The following GRID1 variants were observed in gnomAD, a reference collection of about 807,000 sequenced individuals.
The protein encoded by GRID1 is glutamate ionotropic receptor delta type subunit 1, also known as glutamate receptor ionotropic, delta-1.
Under a neutral mutation model 98.0 loss-of-function variants are expected in GRID1, and 28 were observed. That is an observed-to-expected ratio of 0.29 (90% CI 0.21 to 0.39). GRID1 has a LOEUF of 0.39. Ranked by LOEUF, GRID1 falls within the 10% of genes least tolerant of loss-of-function variation. The pLI is 1.00. For missense variants in GRID1, 1,111 were observed against 1,340.5 expected (o/e 0.83, Z 2.67); for synonymous variants, 553 against 538.5 (o/e 1.03, Z -0.37).
chr10:85,939,713 T>C lies in GRID1; in HGVS notation c.727-23474A>G, dbSNP rs1341099416. ...CAGCTGATTAGCAACAGTAATTCCATCTGCAACCTTAATTTTCTTTCGTCC... is the reference window on the plus strand; with the variant it reads ...CAGCTGATTAGCAACAGTAATTCCACCTGCAACCTTAATTTTCTTTCGTCC... On this transcript the variant is annotated intron_variant, in intron 4 of 15. Coordinates refer to ENST00000327946, the MANE Select transcript of GRID1 (RefSeq NM_017551.3). Among the ~76,000 whole-genome samples the C allele has an allele frequency of 2.6e-5, 4 of 152,158 alleles. No homozygotes were observed. The East Asian group carries it at 5.8e-4, about 22-fold the overall frequency.
chr10:86,171,494 A>G (rs983819885), intron 3 of GRID1, among the ~76,000 whole-genome samples: 1 of 152,234 alleles, frequency 6.6e-6, no homozygotes, highest in Non-Finnish European at 1.5e-5. Context: ...AACTGGCTTT[A>G]TCTCTATTAA....
At chr10:85,728,368 A>G (rs1016541197) in intron 9 of GRID1, among the ~76,000 whole-genome samples, 3 of 152,182 alleles carry the variant, frequency 2.0e-5, no homozygotes, top group African/African-American at 7.2e-5. Context: ...TGTAACATCC[A>G]TGCAGAGCTA....
At chr10:85,866,157 G>A (rs1843219291) in intron 6 of GRID1, among the ~76,000 whole-genome samples, 1 of 150,918 alleles carries the variant, frequency 6.6e-6, no homozygotes, top group Non-Finnish European at 1.5e-5. Context: ...AAGCAAGGAA[G>A]CTATGATTGA....
chr10:85,612,681 A>G (rs1842747207), intron 15 of GRID1, among the ~76,000 whole-genome samples: 1 of 148,706 alleles, frequency 6.7e-6, no homozygotes, highest in Non-Finnish European at 1.5e-5. Flanking sequence ...ACTACTTTCC[A>G]CCCTTCCGTA....
chr10:86,314,555 G>A (rs910835059), intron 2 of GRID1, among the ~76,000 whole-genome samples: 1 of 152,184 alleles, frequency 6.6e-6, no homozygotes, highest in South Asian at 2.1e-4. Flanking sequence ...CAGGTGTTCT[G>A]GGGGCATTTC....
At chr10:85,960,081 C>T (rs1476535553) in intron 4 of GRID1, among the ~76,000 whole-genome samples, 2 of 152,074 alleles carry the variant, frequency 1.3e-5, no homozygotes, top group East Asian at 1.9e-4. Flanking sequence ...CAGGGTTTCA[C>T]CATTTTTTGG....
At chr10:85,838,403 A>G (rs964350551) in intron 8 of GRID1, among the ~76,000 whole-genome samples, 3 of 152,172 alleles carry the variant, frequency 2.0e-5, no homozygotes, top group African/African-American at 7.2e-5. Flanking sequence ...TGTTAAAGGT[A>G]GCTAGAGGAA....
chr10:85,974,859 A>C (rs1400340216), intron 4 of GRID1, among the ~76,000 whole-genome samples: 2 of 152,166 alleles, frequency 1.3e-5, no homozygotes, highest in African/African-American at 4.8e-5. Context: ...TCCTGGCCCC[A>C]AGCCATCCTC....
At chr10:86,319,151 G>C (rs565454623) in intron 2 of GRID1, among the ~76,000 whole-genome samples, 10 of 152,112 alleles carry the variant, frequency 6.6e-5, no homozygotes, top group Admixed American at 1.3e-4. Context: ...GTGGCTGAAG[G>C]GGAGGCACCC....
At chr10:85,665,698 A>C (rs1590181153) in intron 12 of GRID1, among the ~76,000 whole-genome samples, 1 of 152,192 alleles carries the variant, frequency 6.6e-6, no homozygotes, top group Non-Finnish European at 1.5e-5. Context: ...TTAATAACAG[A>C]GCTTAAGAAG....
intron 4 of GRID1, among the ~76,000 whole-genome samples, chr10:86,045,064 A>T (rs1317361898): frequency 1.3e-5 from 2 of 152,248 alleles, no homozygotes; most frequent in Non-Finnish European, 2.9e-5. Context: ...AATTTAGGGG[A>T]AATTGTTCAT....
intron 4 of GRID1, among the ~76,000 whole-genome samples, chr10:86,012,000 A>C (rs1055098316): frequency 2.0e-5 from 3 of 152,178 alleles, no homozygotes; most frequent in Non-Finnish European, 4.4e-5. Flanking sequence ...TCTACTAAAA[A>C]TACAAAAATT....
chr10:85,638,485 C>T (rs1843076090), intron 13 of GRID1, among the ~76,000 whole-genome samples: 1 of 152,030 alleles, frequency 6.6e-6, no homozygotes, highest in African/African-American at 2.4e-5. Flanking sequence ...TTTTTATTGG[C>T]ATAAGAATAG....
intron 4 of GRID1, among the ~76,000 whole-genome samples, chr10:85,924,486 T>A (rs893244386): frequency 3.9e-5 from 6 of 152,208 alleles, no homozygotes; most frequent in African/African-American, 1.4e-4. Flanking sequence ...GAGCTTTTCC[T>A]CCAGGATACA....
intron 4 of GRID1, among the ~76,000 whole-genome samples, chr10:86,082,772 C>A (rs1843995223): frequency 6.6e-6 from 1 of 151,952 alleles, no homozygotes; most frequent in African/African-American, 2.4e-5. Context: ...GCTGCCCAAA[C>A]CATGACTCTG....
intron 4 of GRID1, among the ~76,000 whole-genome samples, chr10:86,007,405 C>A (rs1019215296): frequency 1.3e-5 from 2 of 152,166 alleles, no homozygotes; most frequent in African/African-American, 4.8e-5. Flanking sequence ...TCCGCACCCC[C>A]CCACCTCCAA....
chr10:85,752,993 C>T (rs892074009), intron 8 of GRID1, among the ~76,000 whole-genome samples: 6 of 152,200 alleles, frequency 3.9e-5, no homozygotes, highest in African/African-American at 1.4e-4. Context: ...TGAAATCCTA[C>T]TTTTCCCTCG....
At chr10:86,220,279 GAGA>G (rs766668038) in intron 2 of GRID1, among the ~76,000 whole-genome samples, 4 of 152,174 alleles carry the variant, frequency 2.6e-5, no homozygotes, top group Non-Finnish European at 5.9e-5. Flanking sequence ...AACTCTCAGA[GAGA>G]AGGACTGGCC....
At chr10:86,093,929 T>C (rs1053844387) in intron 4 of GRID1, among the ~76,000 whole-genome samples, 1 of 152,178 alleles carries the variant, frequency 6.6e-6, no homozygotes, top group African/African-American at 2.4e-5. Flanking sequence ...TTGATGAACA[T>C]AGATGCTAAA....
Sources: gnomAD v4.1 joint callset for allele counts (sites outside exome capture counted in the v4.1 genomes callset) on GRCh38, gnomAD v4.1.1 for gene constraint, MANE v1.5 for transcripts, NCBI Gene and HGNC (gene_info 2026-07-23, HGNC 2026-07-21) for gene names.